Variants in TPTE2 observed in about 807,000 individuals in gnomAD.
TPTE2 encodes phosphatidylinositol 3,4,5-trisphosphate 3-phosphatase TPTE2.
TPTE2 carries 53 observed loss-of-function variants against 78.6 expected under a neutral mutation model. That is an observed-to-expected ratio of 0.67 (90% confidence interval 0.54 to 0.85). The LOEUF is 0.85. Ranked by LOEUF, TPTE2 falls within the 40% of genes least tolerant of loss-of-function variation. The pLI is 0.00. For synonymous variants in TPTE2, 175 were observed against 206.2 expected, an observed-to-expected ratio of 0.85 and a Z score of 1.30; for missense variants, 461 against 623.0, an observed-to-expected ratio of 0.74 and a Z score of 2.77.
At chr13:19,533,564 G>A (rs1871013217) in intron 1 of TPTE2, among the ~76,000 whole-genome samples, 1 of 152,220 alleles carries the variant, frequency 6.6e-6, no homozygotes, top group African/African-American at 2.4e-5. Flanking sequence ...TGTGGCACTG[G>A]AGTTCTGACA....
intron 1 of TPTE2, among the ~76,000 whole-genome samples, chr13:19,512,628 C>A (rs1593411296): frequency 6.6e-6 from 1 of 151,582 alleles, no homozygotes; most frequent in African/African-American, 2.4e-5. Context: ...GTCCAGGCTG[C>A]AGTGCAGTGG....
chr13:19,496,117 T>C (rs938950200), intron 1 of TPTE2, among the ~76,000 whole-genome samples: 1 of 152,192 alleles, frequency 6.6e-6, no homozygotes, highest in African/African-American at 2.4e-5. Context: ...CCACCCACCC[T>C]GGCCTCCCAA....
intron 3 of TPTE2, 102 bp downstream of exon 6, chr13:19,492,748 G>A (rs1324795640): frequency 2.0e-6 from 3 of 1,496,340 alleles, no homozygotes; most frequent in African/African-American, 1.4e-5. Flanking sequence ...ACAAAAGTGT[G>A]TATGGATGAA....
chr13:19,436,169 G>C, intron 15 of TPTE2, 57 bp downstream of exon 18: 3 of 1,402,360 alleles, frequency 2.1e-6, no homozygotes, highest in Non-Finnish European at 3.0e-6. Context: ...CAAATAACAG[G>C]TGGCAATCTT....
the TPTE2 span, among the ~76,000 whole-genome samples, chr13:19,556,905 T>C: frequency 1.1e-5 from 1 of 93,520 alleles, no homozygotes. Context: ...ATTTTACTAG[T>C]AAACCAAATT....
chr13:19,512,649 G>C (rs1869527824), intron 1 of TPTE2, among the ~76,000 whole-genome samples: 1 of 151,788 alleles, frequency 6.6e-6, no homozygotes, highest in East Asian at 1.9e-4. Context: ...CGCTGTCTCA[G>C]CTCACTGCAA....
chr13:19,472,674 T>G (rs1879699552), intron 6 of TPTE2, among the ~76,000 whole-genome samples: 1 of 152,214 alleles, frequency 6.6e-6, no homozygotes, highest in Admixed American at 6.5e-5. Context: ...GTGTCTTATT[T>G]AGTTCATTTG....
chr13:19,529,050 G>A (rs112022381), intron 1 of TPTE2, among the ~76,000 whole-genome samples: 9 of 152,274 alleles, frequency 5.9e-5, no homozygotes, highest in South Asian at 2.1e-4. Context: ...ACCCAGAGGC[G>A]GGGGTTGCAG....
At chr13:19,465,116 T>A in intron 9 of TPTE2, 139 bp downstream of exon 12, 2 of 1,139,208 alleles carry the variant, frequency 1.8e-6, no homozygotes, top group African/African-American at 1.6e-5. Context: ...AAACCACAAA[T>A]ATGTCACACT....
chr13:19,449,447 G>A (rs1274034241), intron 13 of TPTE2, among the ~76,000 whole-genome samples: 3 of 152,114 alleles, frequency 2.0e-5, no homozygotes, highest in Non-Finnish European at 2.9e-5. Flanking sequence ...AGCCTGAGAT[G>A]TTGATTAAAG....
chr13:19,442,054 CAGT>C (rs1407440546), intron 13 of TPTE2, among the ~76,000 whole-genome samples: 1 of 151,886 alleles, frequency 6.6e-6, no homozygotes, highest in Non-Finnish European at 1.5e-5. Flanking sequence ...AACAGAATGT[CAGT>C]AGGAAAATAG....
chr13:19,427,653 G>C (rs972493204), intron 17 of TPTE2, among the ~76,000 whole-genome samples: 2 of 152,178 alleles, frequency 1.3e-5, no homozygotes, highest in Non-Finnish European at 2.9e-5. Context: ...CTCCTCCCAA[G>C]GGAGGGGGAG....
At chr13:19,549,119 C>CA in the TPTE2 span, among the ~76,000 whole-genome samples, 89,111 of 133,126 alleles carry the variant, frequency 0.67, 30,498 homozygotes, top group East Asian at 0.87. Context: ...AACTCTGTCT[C>CA]AAAAAAAAAA....
At chr13:19,477,767 T>A (rs1386794001) in intron 4 of TPTE2, among the ~76,000 whole-genome samples, 1 of 152,176 alleles carries the variant, frequency 6.6e-6, no homozygotes, top group Non-Finnish European at 1.5e-5. Context: ...AAATACACAA[T>A]TGAGACTTTT....
At chr13:19,538,827 A>G (rs771224590), upstream of TPTE2, among the ~76,000 whole-genome samples, 5 of 152,214 alleles carry the variant, frequency 3.3e-5, no homozygotes, top group Non-Finnish European at 7.3e-5. Context: ...TGCTTCAAAC[A>G]TTTTAAATCT....
intron 13 of TPTE2, among the ~76,000 whole-genome samples, chr13:19,442,790 T>C (rs1566041945): frequency 6.6e-6 from 1 of 152,060 alleles, no homozygotes; most frequent in African/African-American, 2.4e-5. Context: ...GTCAAGACAT[T>C]TGCAAAGTTA....
chr13:19,494,101 TTC>T (rs1358579790), intron 1 of TPTE2, among the ~76,000 whole-genome samples: 3 of 152,168 alleles, frequency 2.0e-5, no homozygotes, highest in Non-Finnish European at 2.9e-5. Context: ...CCAAACAGGA[TTC>T]TCTCTTCCCT....
chr13:19,496,786 C>T (rs984686661), intron 1 of TPTE2, among the ~76,000 whole-genome samples: 12 of 152,132 alleles, frequency 7.9e-5, no homozygotes, highest in Admixed American at 6.5e-4. Context: ...TGCGAAATCT[C>T]GGAGGAGGAG....
At chr13:19,545,151 C>CA in the TPTE2 span, among the ~76,000 whole-genome samples, 1 of 151,930 alleles carries the variant, frequency 6.6e-6, no homozygotes, top group Non-Finnish European at 1.5e-5. Flanking sequence ...GAAAAGTGCA[C>CA]AAATGAGTAG....
Sources: allele counts gnomAD v4.1 joint callset (sites outside exome capture counted in the v4.1 genomes callset), GRCh38; gene constraint gnomAD v4.1.1; transcripts MANE v1.5; gene names NCBI Gene and HGNC (gene_info 2026-07-23, HGNC 2026-07-21).